The following LRIG2 variants were observed in gnomAD, a reference collection of about 807,000 sequenced individuals.
The protein encoded by LRIG2 is leucine rich repeats and immunoglobulin like domains 2.
Under a neutral mutation model 107.8 loss-of-function variants are expected in LRIG2, and 93 were observed. The ratio of observed to expected loss-of-function variants is 0.86; its 90% CI spans 0.73 to 1.03. The LOEUF (loss-of-function observed/expected upper bound fraction) is 1.03. Among genes scored for constraint, LRIG2 ranks in the 50% least tolerant of loss-of-function variants. The pLI is 0.00. For missense variants in LRIG2, 1,226 were observed against 1,296.0 expected (o/e 0.95, Z 0.83); for synonymous variants, 471 against 470.6 (o/e 1.00, Z -0.01).
chr1:113,111,641 T>G (rs937316648), intron 13 of LRIG2, among the ~76,000 whole-genome samples: 6 of 152,362 alleles, frequency 3.9e-5, no homozygotes, highest in African/African-American at 1.4e-4. Context: ...AAAAGCTTCT[T>G]AAAAACAGCT....
chr1:113,076,794 G>A (rs1360938805), intron 1 of LRIG2, among the ~76,000 whole-genome samples: 2 of 152,066 alleles, frequency 1.3e-5, no homozygotes, highest in Non-Finnish European at 2.9e-5. Flanking sequence ...CTCAGATACT[G>A]TCTTTATGCT....
rs138917782 is a variant in LRIG2, at chr1:113,089,027, A to G, written c.240-2291A>G. Among the ~76,000 whole-genome samples the G allele has an allele frequency of 1.8e-3, 271 of 152,364 alleles. No homozygotes were observed. In the Middle Eastern group the frequency reaches 0.024, roughly 13 times the overall value. On this transcript the variant is annotated intron_variant, in intron 1 of 17. Coordinates refer to ENST00000361127, the MANE Select transcript of LRIG2 (RefSeq NM_014813.3). ...GTGGAAAAGTGATGGTTTAACACACAGCTTTAGTTATGTCATGGTGTAAAT... is the reference window on the plus strand; with the variant it reads ...GTGGAAAAGTGATGGTTTAACACACGGCTTTAGTTATGTCATGGTGTAAAT...
At position 113,131,728 on chromosome 1, in the gene LRIG2, T is replaced by C. The variant is rs1019365342; in HGVS notation, c.*7627T>C. On this transcript the variant is annotated 3_prime_UTR_variant, in exon 18 of 18. Coordinates refer to ENST00000361127, the MANE Select transcript of LRIG2 (RefSeq NM_014813.3). ...GTAACAAGTTTGGAACTAAGAGATA[T>C]GTTACAAGCTGCACTTAACACCACC... The C allele has an allele frequency of 5.9e-5, 9 of 152,194 alleles. No individual in the cohort carries two copies. The highest frequency in any genetic ancestry group is 1.9e-4 in the East Asian group (1 of 5,178). 9.4% of individuals were successfully genotyped at this position (152,194 alleles called of 1,614,324 possible). A position where few individuals can be genotyped will look rare whatever the true frequency, so the allele number is the denominator to read the frequency against.
At chr1:113,093,166 C>A in intron 2 of LRIG2, 40 bp from the exon 3 acceptor site, 1 of 1,243,816 alleles carries the variant, frequency 8.0e-7, no homozygotes, top group Non-Finnish European at 1.2e-6. Context: ...GGTAATATTT[C>A]CCTCACTAAA....
At chr1:113,083,857 G>T (rs1485430046) in intron 1 of LRIG2, among the ~76,000 whole-genome samples, 1 of 106,370 alleles carries the variant, frequency 9.4e-6, no homozygotes, top group Non-Finnish European at 1.8e-5. Flanking sequence ...CTGTTGTGGG[G>T]TGGGGGGAGG....
chr1:113,125,218 A>T lies in LRIG2; in HGVS notation c.*1117A>T, dbSNP rs1655438610. ...TAAAAACTTACTTGTTAAGAAGTGTATCTATAGAGGCAGCTACTTAGTGAT... is the reference window on the plus strand; with the variant it reads ...TAAAAACTTACTTGTTAAGAAGTGTTTCTATAGAGGCAGCTACTTAGTGAT... On this transcript the variant is annotated 3_prime_UTR_variant, in exon 18 of 18. Transcript: ENST00000361127. 1 of 152,184 alleles carries T rather than the reference A, an allele frequency of 6.6e-6. No homozygotes were observed. The highest frequency in any genetic ancestry group is 1.5e-5 in the Non-Finnish European group (1 of 68,024). The allele number at this position is 152,184 out of a possible 1,614,324, so 9.4% of individuals were successfully genotyped here. A position where few individuals can be genotyped will look rare whatever the true frequency, so the allele number is the denominator to read the frequency against.
chr1:113,090,731 G>A (rs1403675749), intron 1 of LRIG2, among the ~76,000 whole-genome samples: 2 of 151,664 alleles, frequency 1.3e-5, no homozygotes, highest in Non-Finnish European at 2.9e-5. Flanking sequence ...CCAGCTACTA[G>A]GGAGGCTGAG....
intron 11 of LRIG2, among the ~76,000 whole-genome samples, chr1:113,105,606 A>G (rs978074047): frequency 1.3e-5 from 2 of 152,164 alleles, no homozygotes; most frequent in African/African-American, 4.8e-5. Context: ...GCAACCAACA[A>G]TTCTCAGTAA....
chr1:113,084,135 C>T (rs764455128), intron 1 of LRIG2, among the ~76,000 whole-genome samples: 4 of 150,184 alleles, frequency 2.7e-5, no homozygotes, highest in Admixed American at 6.7e-5. Context: ...AATGTGCAGC[C>T]GTGATGGAGA....
chr1:113,100,590 A>T (rs1037870754), intron 11 of LRIG2, 102 bp downstream of exon 11: 8 of 643,136 alleles, frequency 1.2e-5, no homozygotes, highest in Non-Finnish European at 1.9e-5. Flanking sequence ...AAAAGCACAC[A>T]GTTCAGGCAG....
chr1:113,074,619 C>G (rs1430179084), intron 1 of LRIG2, among the ~76,000 whole-genome samples: 1 of 152,164 alleles, frequency 6.6e-6, no homozygotes, highest in Admixed American at 6.5e-5. Flanking sequence ...AAGAAAGAGT[C>G]ATCAATGGGC....
At position 113,128,667 on chromosome 1, in the gene LRIG2, C is replaced by A. The variant is rs1330525298; in HGVS notation, c.*4566C>A. The A allele has an allele frequency of 6.6e-6, 1 of 152,050 alleles. No homozygotes were observed. The highest frequency in any genetic ancestry group is 2.4e-5 in the African/African-American group (1 of 41,384). 9.4% of individuals were successfully genotyped at this position (152,050 alleles called of 1,614,324 possible). A position where few individuals can be genotyped will look rare whatever the true frequency, so the allele number is the denominator to read the frequency against. On this transcript the variant is annotated 3_prime_UTR_variant, in exon 18 of 18. Coordinates refer to ENST00000361127, the MANE Select transcript of LRIG2 (RefSeq NM_014813.3). ...AGCAGGAGTAATGGTCTAAGAAATA[C>A]TCATTAGGAGAAAAAAATTCTGCTT...
chr1:113,103,000 C>T (rs12409007), intron 11 of LRIG2, among the ~76,000 whole-genome samples: 990 of 18,186 alleles, frequency 0.054, 8 homozygotes, highest in African/African-American at 0.089. Flanking sequence ...GTATACTCCG[C>T]CCCCCTCCTT....
chr1:113,099,400 C>A (rs1351876130), intron 9 of LRIG2, among the ~76,000 whole-genome samples: 3 of 151,664 alleles, frequency 2.0e-5, no homozygotes, highest in Non-Finnish European at 4.4e-5. Flanking sequence ...CCATGCCTAG[C>A]TAATTAAAAT....
intron 1 of LRIG2, 81 bp from the exon 2 acceptor site, chr1:113,091,237 G>GT: frequency 1.0e-6 from 1 of 957,466 alleles, no homozygotes. Context: ...AGGACTTTTT[G>GT]TATTTCTATT....
intron 11 of LRIG2, among the ~76,000 whole-genome samples, chr1:113,106,780 C>T (rs1654557639): frequency 6.6e-6 from 1 of 152,172 alleles, no homozygotes; most frequent in Admixed American, 6.5e-5. Context: ...GCTAGGATTA[C>T]AGGTGTGAGC....
At chr1:113,116,205 A>C in intron 15 of LRIG2, 82 bp from the exon 16 acceptor site, 12 of 1,227,222 alleles carry the variant, frequency 9.8e-6, no homozygotes, top group Non-Finnish European at 1.4e-5. Flanking sequence ...ATAGTATCAA[A>C]GTGGAACACA....
chr1:113,087,094 G>C (rs1653588209), intron 1 of LRIG2, among the ~76,000 whole-genome samples: 1 of 152,120 alleles, frequency 6.6e-6, no homozygotes, highest in African/African-American at 2.4e-5. Context: ...AGTGAGGTGT[G>C]ATGTCACCAC....
chr1:113,077,083 A>G (rs1557893616), intron 1 of LRIG2, among the ~76,000 whole-genome samples: 1 of 152,124 alleles, frequency 6.6e-6, no homozygotes, highest in African/African-American at 2.4e-5. Flanking sequence ...ATATAGATTT[A>G]GCTTTATGAA....
Sources: gnomAD v4.1 joint callset for allele counts (sites outside exome capture counted in the v4.1 genomes callset) on GRCh38, gnomAD v4.1.1 for gene constraint, MANE v1.5 for transcripts, NCBI Gene and HGNC (gene_info 2026-07-23, HGNC 2026-07-21) for gene names.